Variants in PTPRQ observed in about 807,000 individuals in gnomAD.
PTPRQ encodes the protein protein tyrosine phosphatase receptor type Q, also known as phosphatidylinositol phosphatase PTPRQ.
PTPRQ carries 199 observed loss-of-function variants against 246.0 expected under a neutral mutation model. The observed-to-expected ratio is 0.81, with a 90% CI of 0.72 to 0.91. The LOEUF (loss-of-function observed/expected upper bound fraction) is 0.91, where lower values mean the gene tolerates loss of function less well. Among genes scored for constraint, PTPRQ ranks in the 40% least tolerant of loss-of-function variants. The probability of loss-of-function intolerance (pLI) is 0.00; values close to 1 mark genes in which losing one functional copy is unlikely to be tolerated. For synonymous variants in PTPRQ, 869 were observed against 853.2 expected (o/e 1.02, Z -0.32); for missense variants, 2,624 against 2,528.4 (o/e 1.04, Z -0.81).
intron 43 of PTPRQ, among the ~76,000 whole-genome samples, chr12:80,675,090 A>T (rs1302328794): frequency 6.6e-6 from 1 of 152,118 alleles, no homozygotes; most frequent in Non-Finnish European, 1.5e-5. Context: ...TGAGTTAACA[A>T]ATGAGTTAAA....
At chr12:80,522,562 T>A (rs1895535056) in intron 17 of PTPRQ, among the ~76,000 whole-genome samples, 1 of 152,224 alleles carries the variant, frequency 6.6e-6, no homozygotes, top group Non-Finnish European at 1.5e-5. Context: ...ATTGAGAGTT[T>A]TTAACGTGAA....
intron 25 of PTPRQ, among the ~76,000 whole-genome samples, chr12:80,569,642 G>T (rs553395452): frequency 6.6e-6 from 1 of 151,022 alleles, no homozygotes; most frequent in African/African-American, 2.4e-5. Context: ...GAACATGCAG[G>T]TTTCTTACAT....
chr12:80,452,249 T>C (rs1218676710), intron 3 of PTPRQ, among the ~76,000 whole-genome samples: 11 of 149,980 alleles, frequency 7.3e-5, no homozygotes, highest in South Asian at 4.3e-4. Context: ...ATTTTGAGCC[T>C]ATGTGTGTCT....
intron 35 of PTPRQ, among the ~76,000 whole-genome samples, chr12:80,645,805 A>G (rs915147834): frequency 2.0e-5 from 3 of 152,090 alleles, no homozygotes; most frequent in Admixed American, 1.3e-4. Flanking sequence ...TATAAAATTG[A>G]GAGGGAGGGA....
chr12:80,672,876 T>C (rs1901014854), intron 42 of PTPRQ, among the ~76,000 whole-genome samples: 1 of 152,028 alleles, frequency 6.6e-6, no homozygotes, highest in African/African-American at 2.4e-5. Context: ...TTTAAAAAAA[T>C]CTCTATACTT....
intron 3 of PTPRQ, among the ~76,000 whole-genome samples, chr12:80,450,332 A>T (rs985852191): frequency 1.3e-5 from 2 of 152,126 alleles, no homozygotes; most frequent in African/African-American, 4.8e-5. Context: ...AACAGGGACA[A>T]TTTGACTTCC....
chr12:80,669,192 A>C lies in PTPRQ; in HGVS notation c.6327+51A>C. On this transcript the variant is annotated intron_variant, in intron 40 of 44. Coordinates refer to ENST00000644991, the MANE Select transcript of PTPRQ (RefSeq NM_001145026.2). Reference sequence around the variant, plus strand: ...AATGTTGTTTTACGATTGTGTTAACATATGTGTGAATATTTCATCTAATAC... The same window carrying C: ...AATGTTGTTTTACGATTGTGTTAACCTATGTGTGAATATTTCATCTAATAC... The C allele has an allele frequency of 4.6e-6, 7 of 1,534,420 alleles. No homozygotes were observed. In the South Asian group the frequency reaches 8.6e-5, roughly 19 times the overall value.
chr12:80,664,516 A>AT (rs936638090), intron 39 of PTPRQ, among the ~76,000 whole-genome samples: 15 of 151,780 alleles, frequency 9.9e-5, no homozygotes, highest in Admixed American at 5.9e-4. Flanking sequence ...CTGCATCATC[A>AT]TTTTTTCTCT....
Position 80,605,282 on chromosome 12 carries a change from G to A in PTPRQ, c.4731+102G>A, listed in dbSNP as rs186876076. 8.7e-6 allele frequency: 12 copies of A among 1,385,378 alleles called. No homozygotes were observed. In the Admixed American group the frequency reaches 3.1e-4, roughly 36 times the overall value. The allele number at this position is 1,385,378 out of a possible 1,614,324, so 85.8% of individuals were successfully genotyped here. A position where few individuals can be genotyped will look rare whatever the true frequency, so the allele number is the denominator to read the frequency against. ...ATTTGAATTTTGGCTCTGTTAGACA[G>A]TAGGAAAATTACTTTACTTGTTTGT... On this transcript the variant is annotated intron_variant, in intron 27 of 44. Coordinates refer to ENST00000644991, the MANE Select transcript of PTPRQ (RefSeq NM_001145026.2).
At chr12:80,524,577 T>A (rs983056830) in intron 17 of PTPRQ, among the ~76,000 whole-genome samples, 18 of 152,160 alleles carry the variant, frequency 1.2e-4, no homozygotes, top group African/African-American at 3.9e-4. Flanking sequence ...CTGAGGTGTG[T>A]CTGACCTCCC....
At position 80,653,538 on chromosome 12, in the gene PTPRQ, G is replaced by A. The variant is rs773822178; in HGVS notation, c.6115+704G>A. ...AAGTGACATTGTGATGTCCTGAAAC[G>A]TTTCAAAGTCTAGAGTTTTGAAATG... is the stretch of plus-strand genomic sequence containing the variant. On this transcript the variant is annotated intron_variant, in intron 38 of 44. Coordinates refer to ENST00000644991, the MANE Select transcript of PTPRQ (RefSeq NM_001145026.2). 3.1e-4 allele frequency among the ~76,000 whole-genome samples: 47 copies of A among 152,052 alleles called. 1 individual carries two copies. Among genetic ancestry groups the A allele is most frequent in the Non-Finnish European group, 4.7e-4 (32 of 68,002 alleles).
intron 35 of PTPRQ, among the ~76,000 whole-genome samples, chr12:80,646,787 CA>C (rs1445765024): frequency 6.6e-6 from 1 of 151,784 alleles, no homozygotes; most frequent in Non-Finnish European, 1.5e-5. Flanking sequence ...ATTTTAAATG[CA>C]AAATGAATTA....
intron 35 of PTPRQ, among the ~76,000 whole-genome samples, chr12:80,641,563 A>G (rs1899856533): frequency 6.6e-6 from 1 of 152,230 alleles, no homozygotes; most frequent in Admixed American, 6.5e-5. Flanking sequence ...ACTTCAGATT[A>G]ACTAGTTACC....
At chr12:80,596,041 A>C (rs1469946434) in intron 26 of PTPRQ, among the ~76,000 whole-genome samples, 1 of 152,118 alleles carries the variant, frequency 6.6e-6, no homozygotes, top group Non-Finnish European at 1.5e-5. Context: ...AGCATTAAAA[A>C]TATCTAAATG....
At chr12:80,495,725 G>A (rs1325102378) in intron 12 of PTPRQ, among the ~76,000 whole-genome samples, 4 of 151,960 alleles carry the variant, frequency 2.6e-5, no homozygotes, top group African/African-American at 7.2e-5. Flanking sequence ...AGCTGACATG[G>A]TATTTGTGCC....
rs756134079 is a variant in PTPRQ at position 80,613,720 on chromosome 12, C to T, written c.5047C>T (p.Arg1683Ter). Reference sequence around the variant, plus strand: ...CCAAGTATATCAAGCTCTGGTTTACCGAGAAGATGATCCTACTGCTGTCCA... The same window carrying T: ...CCAAGTATATCAAGCTCTGGTTTACTGAGAAGATGATCCTACTGCTGTCCA... Reference protein sequence around the residue: ...NIQVYQALVYREDDPTAVQIH... With the variant: ...NIQVYQALVY Residue 1683 changes from arginine to a stop codon, truncating the protein, a stop_gained, in exon 29 of 45, where the codon CGA (arginine) becomes TGA (stop). Coordinates refer to ENST00000644991, the MANE Select transcript of PTPRQ (RefSeq NM_001145026.2). LOFTEE classifies it high-confidence loss of function. 6 of 1,545,898 alleles carry T rather than the reference C, an allele frequency of 3.9e-6. No homozygotes were observed. The highest frequency in any genetic ancestry group is 1.2e-5 in the South Asian group (1 of 83,844).
At chr12:80,460,352 A>C (rs1272522403) in intron 5 of PTPRQ, among the ~76,000 whole-genome samples, 6 of 152,216 alleles carry the variant, frequency 3.9e-5, no homozygotes, top group Non-Finnish European at 7.4e-5. Context: ...TGGCTCTTGC[A>C]CTGTTAACAT....
intron 18 of PTPRQ, 99 bp downstream of exon 18, chr12:80,534,274 C>T (rs948747319): frequency 1.7e-6 from 2 of 1,199,506 alleles, no homozygotes; most frequent in Non-Finnish European, 2.2e-6. Flanking sequence ...TATGATGAAG[C>T]CTAATATTCA....
At position 80,678,585 on chromosome 12, in the gene PTPRQ, CT is replaced by C. The variant is rs1565855930; in HGVS notation, c.6739-16del. The stretch of plus-strand genomic sequence containing the variant: ...TCATCAATATATTTGTTTAACCACT[CT>C]GTCTTTGGTGTCTAGGCACAGTATA... On this transcript the variant is annotated splice_polypyrimidine_tract_variant and intron_variant, in intron 43 of 44. Coordinates refer to ENST00000644991, the MANE Select transcript of PTPRQ (RefSeq NM_001145026.2). 1 of 1,533,330 alleles carries C rather than the reference CT, an allele frequency of 6.5e-7. No homozygotes were observed. Among genetic ancestry groups the C allele is most frequent in the Non-Finnish European group, 8.8e-7 (1 of 1,138,780 alleles). 95.0% of individuals were successfully genotyped at this position (1,533,330 alleles called of 1,614,324 possible).
Sources: gnomAD v4.1 joint callset for allele counts (sites outside exome capture counted in the v4.1 genomes callset) on GRCh38, gnomAD v4.1.1 for gene constraint, MANE v1.5 for transcripts, NCBI Gene and HGNC (gene_info 2026-07-23, HGNC 2026-07-21) for gene names.